CCDC149: variants seen among roughly 807,000 people sequenced by gnomAD.
The protein encoded by CCDC149 is coiled-coil domain containing 149.
A neutral mutation model predicts 59.9 loss-of-function variants in CCDC149; 45 were observed. The ratio of observed to expected loss-of-function variants is 0.75; its 90% CI spans 0.59 to 0.96. CCDC149 has a LOEUF of 0.96. Among genes scored for constraint, CCDC149 ranks in the 40% least tolerant of loss-of-function variants. The pLI, the probability that CCDC149 is intolerant of heterozygous loss-of-function variation, is 0.00. For missense variants in CCDC149, 584 were observed against 664.7 expected, an observed-to-expected ratio of 0.88 and a Z score of 1.33; for synonymous variants, 245 against 260.6, an observed-to-expected ratio of 0.94 and a Z score of 0.58.
At chr4:24,905,529 G>A (rs1721446884) in intron 1 of CCDC149, among the ~76,000 whole-genome samples, 1 of 151,470 alleles carries the variant, frequency 6.6e-6, no homozygotes, top group African/African-American at 2.4e-5. Context: ...TCCACCTACT[G>A]GGTTCAAGTG....
chr4:24,838,646 T>C (rs1470359247), intron 4 of CCDC149, among the ~76,000 whole-genome samples: 2 of 152,084 alleles, frequency 1.3e-5, no homozygotes, highest in African/African-American at 4.8e-5. Context: ...GGTGACATTA[T>C]CAAGAGCCTT....
intron 3 of CCDC149, among the ~76,000 whole-genome samples, chr4:24,859,290 C>T (rs1718224514): frequency 6.6e-6 from 1 of 152,128 alleles, no homozygotes; most frequent in Non-Finnish European, 1.5e-5. Flanking sequence ...TTGAGGTAGG[C>T]TAGGCTAAGC....
At chr4:24,926,307 A>G (rs2092360213) in intron 1 of CCDC149, among the ~76,000 whole-genome samples, 1 of 152,262 alleles carries the variant, frequency 6.6e-6, no homozygotes, top group African/African-American at 2.4e-5. Context: ...CCTGAAATCA[A>G]GTTTAATAAA....
intron 1 of CCDC149, among the ~76,000 whole-genome samples, chr4:24,935,668 A>G (rs1722717328): frequency 6.6e-6 from 1 of 152,200 alleles, no homozygotes; most frequent in African/African-American, 2.4e-5. Context: ...CCAAATCTGC[A>G]GGGCATTGCC....
At chr4:24,811,436 G>A (rs1425046236) in intron 12 of CCDC149, among the ~76,000 whole-genome samples, 1 of 152,032 alleles carries the variant, frequency 6.6e-6, no homozygotes, top group Non-Finnish European at 1.5e-5. Context: ...CTCGCAAGCT[G>A]TTTCTCCCTG....
chr4:24,863,556 C>T (rs1293569424), intron 3 of CCDC149, among the ~76,000 whole-genome samples: 1 of 152,180 alleles, frequency 6.6e-6, no homozygotes, highest in Non-Finnish European at 1.5e-5. Context: ...TTCACTCATT[C>T]CCCAGTGCAG....
chr4:24,947,824 A>AT (rs11373089), intron 1 of CCDC149, among the ~76,000 whole-genome samples: 32,347 of 149,470 alleles, frequency 0.22, 3,796 homozygotes, highest in African/African-American at 0.32. Context: ...AAGAAGGAGG[A>AT]TTTTTTTTTT....
At chr4:24,968,983 C>T (rs1723884268) in intron 1 of CCDC149, among the ~76,000 whole-genome samples, 1 of 152,200 alleles carries the variant, frequency 6.6e-6, no homozygotes. Context: ...GGTAGATGCC[C>T]TGGTGAAGGT....
Position 24,962,189 on chromosome 4 carries a change from A to C in CCDC149, c.-65+17880T>G, listed in dbSNP as rs531281040. Among the ~76,000 whole-genome samples the C allele has an allele frequency of 9.2e-4, 140 of 152,118 alleles. 2 individuals are homozygous for C. In the South Asian group the frequency reaches 0.023, roughly 25 times the overall value. ...ACTTCTCAAAAGAAGACATCCATGC[A>C]GCCAAAAGACCCATGAAAAAATGCT... On this transcript the variant is annotated intron_variant, in intron 1 of 12. Transcript: ENST00000389609.
intron 4 of CCDC149, among the ~76,000 whole-genome samples, chr4:24,850,200 TTTCA>T (rs1248375332): frequency 3.9e-5 from 6 of 152,230 alleles, no homozygotes; most frequent in Non-Finnish European, 7.3e-5. Context: ...TATTCATTCA[TTTCA>T]TTCATTCATT....
In CCDC149 at chr4:24,809,213, C is replaced by T. The variant is rs146710505; in HGVS notation, c.1193-394G>A. On this transcript the variant is annotated intron_variant, in intron 12 of 12. Transcript: ENST00000635206. ...GCTTGTTAGTAATGAAAAAAGGTTC[C>T]GGCTGCATTGAGGGTGGGAAGAAGA... Among the ~76,000 whole-genome samples the T allele has an allele frequency of 1.2e-4, 18 of 152,238 alleles. 1 individual carries two copies. The East Asian group carries it at 3.5e-3, about 29-fold the overall frequency.
At chr4:24,911,502 GAACT>G (rs1317694865) in intron 1 of CCDC149, among the ~76,000 whole-genome samples, 1 of 152,170 alleles carries the variant, frequency 6.6e-6, no homozygotes, top group Non-Finnish European at 1.5e-5. Flanking sequence ...CTTCTAAGGA[GAACT>G]ACCTCCAGCC....
Position 24,837,499 on chromosome 4 carries a change from GT to G in CCDC149, c.490-100del. 1 of 1,132,346 alleles carries G rather than the reference GT, an allele frequency of 8.8e-7. No individual in the cohort carries two copies. Among genetic ancestry groups the G allele is most frequent in the Non-Finnish European group, 1.3e-6 (1 of 777,318 alleles). The allele number at this position is 1,132,346 out of a possible 1,614,324, so 70.1% of individuals were successfully genotyped here. On this transcript the variant is annotated intron_variant, in intron 5 of 12. Coordinates refer to ENST00000635206, the MANE Select transcript of CCDC149 (RefSeq NM_001330643.2). The surrounding 1 kb of genome is among the most constrained non-coding windows in gnomAD (Gnocchi z 4.3). Reference sequence around the variant, plus strand: ...CACTTGGTTGACTGATTTTTAGAGAGTTTATTAACACTACCCGCATGCCCTA... The same window carrying G: ...CACTTGGTTGACTGATTTTTAGAGAGTTATTAACACTACCCGCATGCCCTA...
chr4:24,974,554 T>C (rs963287594), intron 1 of CCDC149, among the ~76,000 whole-genome samples: 4 of 152,244 alleles, frequency 2.6e-5, no homozygotes, highest in Non-Finnish European at 5.9e-5. Flanking sequence ...TGTAATTCCC[T>C]AGCACATAAG....
intron 9 of CCDC149, among the ~76,000 whole-genome samples, chr4:24,823,500 G>A (rs891220382): frequency 4.6e-5 from 7 of 152,122 alleles, no homozygotes; most frequent in African/African-American, 7.2e-5. Context: ...TTTATTTGGG[G>A]GATTTTCTTG....
chr4:24,950,275 A>G (rs1476098797), intron 1 of CCDC149, among the ~76,000 whole-genome samples: 2 of 152,226 alleles, frequency 1.3e-5, no homozygotes. Context: ...CTGCCAAGTA[A>G]TACTATTTTT....
upstream of CCDC149, among the ~76,000 whole-genome samples, chr4:24,914,246 T>C (rs2109332209): frequency 6.6e-6 from 1 of 152,176 alleles, no homozygotes; most frequent in Admixed American, 6.5e-5. Flanking sequence ...CTTGGCCTTG[T>C]TTTGCACATG....
At position 24,808,679 on chromosome 4, in the gene CCDC149, A is replaced by T. The variant is rs1439566989; in HGVS notation, c.1333T>A (p.Leu445Ile). ...TCTTCCTCAGAAGGTAACTGGGGTA[A>T]TGAAGGATGAAAGAGCTTGCATTGG... The change falls in exon 13 of 13, where the codon TTA becomes ATA. Residue 445 changes from leucine to isoleucine, a missense_variant. By Grantham distance (5) the Leu-to-Ile change is conservative. Coordinates refer to ENST00000635206, the MANE Select transcript of CCDC149 (RefSeq NM_001330643.2). The T allele has an allele frequency of 6.4e-7, 1 of 1,552,358 alleles. No homozygotes were observed. The highest frequency in any genetic ancestry group is 8.7e-7 in the Non-Finnish European group (1 of 1,147,136).
downstream of CCDC149, among the ~76,000 whole-genome samples, chr4:24,805,964 CA>C (rs1341371216): frequency 6.6e-6 from 1 of 152,052 alleles, no homozygotes; most frequent in Non-Finnish European, 1.5e-5. Context: ...TCCTGTTATA[CA>C]ACATAATTCA....
Sources: gnomAD v4.1 joint callset for allele counts (sites outside exome capture counted in the v4.1 genomes callset) on GRCh38, gnomAD v4.1.1 for gene constraint, Gnocchi (gnomAD v3.1) non-coding constraint, MANE v1.5 for transcripts, NCBI Gene and HGNC (gene_info 2026-07-23, HGNC 2026-07-21) for gene names.